Variants in HUS1 observed in about 807,000 individuals in gnomAD.
HUS1 encodes the protein checkpoint protein HUS1.
In HUS1, 31 loss-of-function variants were observed where a neutral mutation model predicts 32.6. The observed-to-expected ratio is 0.95, with a 90% CI of 0.72 to 1.28. HUS1 has a LOEUF of 1.28. HUS1 is among the 50% of genes most tolerant of loss of function. The pLI is 0.00. For missense variants in HUS1, 340 were observed against 337.7 expected (o/e 1.01, Z -0.05); for synonymous variants, 123 against 116.6 (o/e 1.06, Z -0.36).
rs563563271 is a variant in HUS1, at chr7:47,964,939, T to C, written c.*417A>G. On this transcript the variant is annotated 3_prime_UTR_variant, in exon 8 of 8. Transcript: ENST00000258774. Reference sequence around the variant, plus strand: ...GAGCAGCGGGGTGAACACACTGAAATGCAAGACTGACTGTGCGCTACAGGC... The same window carrying C: ...GAGCAGCGGGGTGAACACACTGAAACGCAAGACTGACTGTGCGCTACAGGC... The C allele has an allele frequency of 4.6e-4, 78 of 167,926 alleles. No individual in the cohort carries two copies. Among genetic ancestry groups the C allele is most frequent in the Non-Finnish European group, 9.0e-4 (69 of 76,922 alleles). 10.4% of individuals were successfully genotyped at this position (167,926 alleles called of 1,614,324 possible). A position where few individuals can be genotyped will look rare whatever the true frequency, so the allele number is the denominator to read the frequency against.
In HUS1 at chr7:47,979,575, C is replaced by G; in HGVS notation, c.-56G>C. On this transcript the variant is annotated 5_prime_UTR_variant, in exon 1 of 8. Transcript: ENST00000258774. ...CTGTGGGTAACAGAAAAGCGTCGCG[C>G]CCTGAGTGTCCCCGCCCGGAAACAC... The G allele has an allele frequency of 7.4e-7, 1 of 1,345,864 alleles. No individual in the cohort carries two copies. The highest frequency in any genetic ancestry group is 1.2e-5 in the South Asian group (1 of 85,884). The allele number at this position is 1,345,864 out of a possible 1,614,324, so 83.4% of individuals were successfully genotyped here.
chr7:47,978,771 C>A lies in HUS1; in HGVS notation c.98G>T (p.Arg33Leu), dbSNP rs554018144. 4.3e-6 allele frequency: 7 copies of A among 1,614,134 alleles called. No homozygotes were observed. In the South Asian group the frequency reaches 5.5e-5, roughly 13 times the overall value. The change falls in exon 2 of 8, where the codon CGC becomes CTC. Residue 33 changes from arginine to leucine, a missense_variant. By Grantham distance (102) the Arg-to-Leu change is moderately radical (BLOSUM62 -2). Transcript: ENST00000258774. ...IAKLAKTCTL[R>L]ISPDKLNFIL... ...GAAGTTAAGCTTATCAGGGCTGATG[C>A]GGAGGGTGCAGGTTTTGGCAAGCTT...
At position 47,978,738 on chromosome 7, in the gene HUS1, C is replaced by T. The variant is rs200244554; in HGVS notation, c.131G>A (p.Cys44Tyr). The T allele has an allele frequency of 2.2e-4, 361 of 1,614,110 alleles. 1 individual carries two copies. Among genetic ancestry groups the T allele is most frequent in the Non-Finnish European group, 2.6e-4 (307 of 1,180,060 alleles). ...CACTCCTCCATTAGCCAGCTTGTCA[C>T]AAAGGATGAAGTTAAGCTTATCAGG... ...ISPDKLNFIL[C>Y]DKLANGGVSM... Residue 44 changes from cysteine (C) to tyrosine (Y), a missense_variant, in exon 2 of 8, where the codon TGT becomes TAT. Physicochemically the swap from Cys to Tyr is radical, Grantham distance 194 (BLOSUM62 -2). Coordinates refer to ENST00000258774, the MANE Select transcript of HUS1 (RefSeq NM_004507.4).
At chr7:47,976,903 G>A (rs1039694268) in intron 3 of HUS1, 66 bp from the exon 4 acceptor site, 8 of 1,052,298 alleles carry the variant, frequency 7.6e-6, no homozygotes, top group East Asian at 4.9e-5. Context: ...AAACAAACCC[G>A]AAGACCCGGG....
rs936917558 is a variant in HUS1, at chr7:47,964,152, G to A, written c.*1204C>T. 2 of 152,298 alleles carry A rather than the reference G, an allele frequency of 1.3e-5. No homozygotes were observed. Among genetic ancestry groups the A allele is most frequent in the Non-Finnish European group, 2.9e-5 (2 of 68,100 alleles). 9.4% of individuals were successfully genotyped at this position (152,298 alleles called of 1,614,324 possible). ...CCAGCACTTTGGGAGGCCCAGGTGGGCGGGTGGCTTGAGCCCAGGAGTTCA... is the reference window on the plus strand; with the variant it reads ...CCAGCACTTTGGGAGGCCCAGGTGGACGGGTGGCTTGAGCCCAGGAGTTCA... On this transcript the variant is annotated 3_prime_UTR_variant, in exon 8 of 8. Coordinates refer to ENST00000258774, the MANE Select transcript of HUS1 (RefSeq NM_004507.4).
At chr7:47,968,941 G>C in intron 6 of HUS1, 1 of 310,430 alleles carries the variant, frequency 3.2e-6, no homozygotes, top group Non-Finnish European at 5.8e-6. Flanking sequence ...AGCTGGAAGG[G>C]ATCTTGGAGG....
chr7:47,967,646 T>G (rs182027423), intron 7 of HUS1, among the ~76,000 whole-genome samples, 160 bp downstream of exon 7: 59 of 152,074 alleles, frequency 3.9e-4, no homozygotes, highest in African/African-American at 1.3e-3. Flanking sequence ...CTAGGAAAAT[T>G]TAAAAAACCC....
intron 3 of HUS1, among the ~76,000 whole-genome samples, chr7:47,977,741 A>C (rs1788735658): frequency 6.6e-6 from 1 of 152,246 alleles, no homozygotes. Context: ...AAAAAATACA[A>C]AAATTAGCTG....
intron 2 of HUS1, 44 bp from the exon 3 acceptor site, chr7:47,978,637 T>C (rs1788760144): frequency 6.2e-7 from 1 of 1,612,672 alleles, no homozygotes. Flanking sequence ...ATATGTGATC[T>C]TTCCAGTGAC....
chr7:47,967,801 C>G lies in HUS1; in HGVS notation c.760+5G>C, dbSNP rs765934975. On this transcript the variant is annotated splice_donor_5th_base_variant and intron_variant, in intron 7 of 7. Transcript: ENST00000258774. ...ATGAAAAACAAAACAGAGAAGCACACTCACTGCATAAGGCCTTTGTGGGAT... is the reference window on the plus strand; with the variant it reads ...ATGAAAAACAAAACAGAGAAGCACAGTCACTGCATAAGGCCTTTGTGGGAT... 6.2e-7 allele frequency: 1 copy of G among 1,610,420 alleles called. No individual in the cohort carries two copies. Among genetic ancestry groups the G allele is most frequent in the Non-Finnish European group, 8.5e-7 (1 of 1,178,448 alleles).
chr7:47,979,424 T>C (rs750352124), intron 1 of HUS1, 44 bp downstream of exon 1: 57 of 1,611,034 alleles, frequency 3.5e-5, no homozygotes, highest in Non-Finnish European at 4.6e-5. Context: ...CGCTCACTGC[T>C]TCCTTCCGTT....
rs755310110 is a variant in HUS1 at position 47,978,810 on chromosome 7, C to T, written c.59G>A (p.Ser20Asn). 4 of 1,613,910 alleles carry T rather than the reference C, an allele frequency of 2.5e-6. No homozygotes were observed. The Admixed American group carries it at 6.7e-5, about 27-fold the overall frequency. ...GACLNHFTRI[S>N]NMIAKLAKTC... is the part of the protein sequence containing the mutation. ...TTTGGCAAGCTTGGCTATCATGTTA[C>T]TGATTCCTAAAGCAGGGGTTAAAAT... is the stretch of plus-strand genomic sequence containing the variant. Residue 20 changes from serine (S) to asparagine (N), a missense_variant, in exon 2 of 8, where the codon AGT becomes AAT. By Grantham distance (46) the Ser-to-Asn change is conservative. Transcript: ENST00000258774.
chr7:47,978,200 A>T (rs1583725890), intron 3 of HUS1: 1 of 439,860 alleles, frequency 2.3e-6, no homozygotes. Context: ...CACGGCTTGG[A>T]AAAAGCAGCA....
intron 3 of HUS1, 72 bp from the exon 4 acceptor site, chr7:47,976,909 C>T (rs1788717569): frequency 9.8e-7 from 1 of 1,021,870 alleles, no homozygotes; most frequent in Non-Finnish European, 1.5e-6. Context: ...ACCCGAAGAC[C>T]CGGGACAAAA....
chr7:47,966,823 C>T (rs2128764392), intron 7 of HUS1, among the ~76,000 whole-genome samples: 2 of 152,290 alleles, frequency 1.3e-5, no homozygotes, highest in Middle Eastern at 6.8e-3. Flanking sequence ...AGGTACCTCA[C>T]CCCAAAACTC....
At chr7:47,974,818 A>T (rs1212336206) in intron 5 of HUS1, among the ~76,000 whole-genome samples, 1 of 152,190 alleles carries the variant, frequency 6.6e-6, no homozygotes, top group African/African-American at 2.4e-5. Context: ...GACTTCCACA[A>T]AATAAACAGA....
rs759420995 is a variant in HUS1 at position 47,975,673 on chromosome 7, T to G, written c.480A>C (p.Leu160Phe). The change falls in exon 5 of 8, where the codon TTA becomes TTC. Residue 160 changes from leucine (L) to phenylalanine (F), a missense_variant. Leu to Phe is a conservative substitution (Grantham distance 22). Transcript: ENST00000258774. ...VVPDPDVSIYLPVLKTMKSVV... is the reference protein window; with the variant it reads ...VVPDPDVSIYFPVLKTMKSVV... ...CACTCTTCATAGTCTTCAAGACTGGTAAATAAATACTAACCTACAAAACCA... is the reference window on the plus strand; with the variant it reads ...CACTCTTCATAGTCTTCAAGACTGGGAAATAAATACTAACCTACAAAACCA... The G allele has an allele frequency of 6.3e-7, 1 of 1,588,510 alleles. No individual in the cohort carries two copies. The highest frequency in any genetic ancestry group is 1.1e-5 in the South Asian group (1 of 89,100).
At chr7:47,969,600 G>A (rs1788553021) in intron 5 of HUS1, among the ~76,000 whole-genome samples, 1 of 152,174 alleles carries the variant, frequency 6.6e-6, no homozygotes. Context: ...ACTCCGAGAG[G>A]ACTTGCCAGG....
rs1395968010 is a variant in HUS1, at chr7:47,979,482, A to T, written c.38T>A (p.Leu13Gln). Residue 13 changes from leucine (L) to glutamine (Q), a missense_variant, in exon 1 of 8, where the codon CTG becomes CAG. Leu to Gln is a moderately radical substitution (Grantham distance 113). Coordinates refer to ENST00000258774, the MANE Select transcript of HUS1 (RefSeq NM_004507.4). ...FRAKIVDGACLNHFTRISNMI... is the reference protein window; with the variant it reads ...FRAKIVDGACQNHFTRISNMI... Reference sequence around the variant, plus strand: ...TCCCTGCTCACGTGTGAAGTGGTTCAGACAGGCCCCGTCCACGATCTTGGC... The same window carrying T: ...TCCCTGCTCACGTGTGAAGTGGTTCTGACAGGCCCCGTCCACGATCTTGGC... 6.2e-7 allele frequency: 1 copy of T among 1,613,340 alleles called. No homozygotes were observed. Among genetic ancestry groups the T allele is most frequent in the Admixed American group, 1.7e-5 (1 of 60,016 alleles).
Sources: gnomAD v4.1 joint callset for allele counts (sites outside exome capture counted in the v4.1 genomes callset) on GRCh38, gnomAD v4.1.1 for gene constraint, MANE v1.5 for transcripts, NCBI Gene and HGNC (gene_info 2026-07-23, HGNC 2026-07-21) for gene names.